MTRR: variants seen among roughly 807,000 people sequenced by gnomAD.
MTRR encodes 5-methyltetrahydrofolate-homocysteine methyltransferase reductase.
Under a neutral mutation model 79.2 loss-of-function variants are expected in MTRR, and 63 were observed. The ratio of observed to expected loss-of-function variants is 0.80; its 90% CI spans 0.65 to 0.98. The LOEUF (loss-of-function observed/expected upper bound fraction) is 0.98, where lower values mean the gene tolerates loss of function less well. Ranked by LOEUF, MTRR falls within the 50% of genes least tolerant of loss-of-function variation. The probability of loss-of-function intolerance (pLI) is 0.00; values close to 1 mark genes in which losing one functional copy is unlikely to be tolerated. For synonymous variants in MTRR, 355 were observed against 313.3 expected (o/e 1.13, Z -1.41); for missense variants, 895 against 839.6 (o/e 1.07, Z -0.82).
At chr5:7,893,264 C>T (rs1210901964) in intron 11 of MTRR, 5 of 278,272 alleles carry the variant, frequency 1.8e-5, no homozygotes, top group African/African-American at 6.7e-5. Context: ...GAGACAGTCT[C>T]ATTTTATGTT....
rs1450089061 is a variant in MTRR, at chr5:7,892,885, A to C, written c.1529A>C (p.Glu510Ala). Reference protein sequence around the residue: ...VLQPNIHASHEDSGKALAPKI... With the variant: ...VLQPNIHASHADSGKALAPKI... ...CAGCCAAACATACATGCATCCCATG[A>C]AGACAGCGGGAAAGCCCTGGCTCCT... The change falls in exon 11 of 15, where the codon GAA becomes GCA. Residue 510 changes from glutamate (E) to alanine (A), a missense_variant. Transcript: ENST00000440940. 2.5e-6 allele frequency: 4 copies of C among 1,614,120 alleles called. No homozygotes were observed. The highest frequency in any genetic ancestry group is 3.4e-6 in the Non-Finnish European group (4 of 1,180,048).
At chr5:7,865,836 AG>A (rs1746905438), upstream of MTRR, 1 of 1,262,392 alleles carries the variant, frequency 7.9e-7, no homozygotes, top group Non-Finnish European at 1.2e-6. Context: ...TCAGAAGTAA[AG>A]GAACTTAAAA....
chr5:7,875,397 T>A lies in MTRR; in HGVS notation c.401+22T>A, dbSNP rs200975562. 9 of 1,538,396 alleles carry A rather than the reference T, an allele frequency of 5.9e-6. No individual in the cohort carries two copies. The African/African-American group carries it at 8.2e-5, about 14-fold the overall frequency. The stretch of plus-strand genomic sequence containing the variant: ...TAGGGTAAGGGCAGTGTTCTCTGTT[T>A]ACTCCAATAAGCCCTCTATACATGA... On this transcript the variant is annotated intron_variant, in intron 4 of 14. Coordinates refer to ENST00000440940, the MANE Select transcript of MTRR (RefSeq NM_002454.3).
At position 7,875,239 on chromosome 5, in the gene MTRR, A is replaced by T. The variant is rs1354906729; in HGVS notation, c.284-19A>T. Reference sequence around the variant, plus strand: ...ATTTAAACTTTATTGTGCATTAATTATGTATTTGGGTTCTCTAGGTCTCGG... The same window carrying T: ...ATTTAAACTTTATTGTGCATTAATTTTGTATTTGGGTTCTCTAGGTCTCGG... On this transcript the variant is annotated intron_variant, in intron 3 of 14. Transcript: ENST00000440940. 6.7e-7 allele frequency: 1 copy of T among 1,485,882 alleles called. No individual in the cohort carries two copies. Among genetic ancestry groups the T allele is most frequent in the African/African-American group, 1.4e-5 (1 of 72,042 alleles). The allele number at this position is 1,485,882 out of a possible 1,614,324, so 92.0% of individuals were successfully genotyped here.
At chr5:7,866,662 G>A, upstream of MTRR, 1 of 1,590,914 alleles carries the variant, frequency 6.3e-7, no homozygotes, top group Non-Finnish European at 8.5e-7. Context: ...GCCGTTGAAG[G>A]AAAAGAGGCT....
intron 1 of MTRR, among the ~76,000 whole-genome samples, chr5:7,854,538 A>T (rs758180991): frequency 6.6e-6 from 1 of 152,078 alleles, no homozygotes; most frequent in Non-Finnish European, 1.5e-5. Context: ...ATGGCAGGAG[A>T]TGAAAGGCAC....
intron 2 of MTRR, among the ~76,000 whole-genome samples, chr5:7,871,538 A>C (rs982499634): frequency 1.4e-4 from 21 of 152,346 alleles, no homozygotes; most frequent in African/African-American, 5.1e-4. Flanking sequence ...AGGCGATAAC[A>C]GTTGGCAGGG....
At chr5:7,857,087 G>A (rs915789381) in intron 1 of MTRR, among the ~76,000 whole-genome samples, 7 of 152,148 alleles carry the variant, frequency 4.6e-5, no homozygotes, top group African/African-American at 1.7e-4. Context: ...TAGGCCCAAA[G>A]ACTATCACTG....
intron 1 of MTRR, 119 bp from the exon 2 acceptor site, chr5:7,870,651 G>C (rs574424819): frequency 1.8e-6 from 2 of 1,086,438 alleles, no homozygotes; most frequent in Non-Finnish European, 2.7e-6. Flanking sequence ...TTTAGAAAAG[G>C]CCATTTCATA....
At chr5:7,872,316 G>T in intron 2 of MTRR, 2 of 409,664 alleles carry the variant, frequency 4.9e-6, no homozygotes, top group South Asian at 3.6e-5. Context: ...GTAAGACAAG[G>T]AAGTGTTCTA....
chr5:7,896,408 T>A, intron 12 of MTRR: 1 of 209,998 alleles, frequency 4.8e-6, no homozygotes, highest in Non-Finnish European at 9.6e-6. Flanking sequence ...CGGACAGTTA[T>A]TTTATTTCGT....
At chr5:7,869,427 C>A in intron 1 of MTRR, 1 of 581,334 alleles carries the variant, frequency 1.7e-6, no homozygotes, top group Non-Finnish European at 3.0e-6. Flanking sequence ...TGTCCTTGGG[C>A]TCGGCGTCGG....
upstream of MTRR, chr5:7,868,207 A>G: frequency 1.8e-6 from 1 of 561,124 alleles, no homozygotes; most frequent in Non-Finnish European, 2.9e-6. Context: ...CTGGAAAAAA[A>G]AAAAAAAAAA....
chr5:7,900,036 A>G lies in MTRR; in HGVS notation c.2075A>G (p.Tyr692Cys), dbSNP rs1739228257. ...TLATLKEEKR[Y>C]LQDIWS Reference sequence around the variant, plus strand: ...GCCACTTTAAAAGAAGAAAAACGCTACCTTCAGGATATTTGGTCATAAAAC... The same window carrying G: ...GCCACTTTAAAAGAAGAAAAACGCTGCCTTCAGGATATTTGGTCATAAAAC... Residue 692 changes from tyrosine (Y) to cysteine (C), a missense_variant, in exon 15 of 15, where the codon TAC becomes TGC. Coordinates refer to ENST00000440940, the MANE Select transcript of MTRR (RefSeq NM_002454.3). 2.5e-6 allele frequency: 4 copies of G among 1,613,734 alleles called. No individual in the cohort carries two copies. The highest frequency in any genetic ancestry group is 1.6e-4 in the Middle Eastern group (1 of 6,084).
At chr5:7,853,886 T>TGCTTCTTTCATGAGGTGAGTC (rs2126573502) in intron 1 of MTRR, among the ~76,000 whole-genome samples, 1 of 152,154 alleles carries the variant, frequency 6.6e-6, no homozygotes, top group African/African-American at 2.4e-5. Flanking sequence ...GGAGGTGAGA[T>TGCTTCTTTCATGAGGTGAGTC]GCTTCTTTCA....
At chr5:7,886,734 T>G in intron 8 of MTRR, 31 bp downstream of exon 8, 2 of 1,501,476 alleles carry the variant, frequency 1.3e-6, no homozygotes, top group Non-Finnish European at 1.9e-6. Context: ...CAGGTAACTA[T>G]TTTAAAATAT....
Position 7,900,159 on chromosome 5 carries a change from T to G in MTRR, c.*101T>G, listed in dbSNP as rs1739256805. On this transcript the variant is annotated 3_prime_UTR_variant, in exon 15 of 15. Coordinates refer to ENST00000440940, the MANE Select transcript of MTRR (RefSeq NM_002454.3). ...TTTAAATTTTCAAAAGAAAATTTTC[T>G]TTCAACATTTCTTGAAGGACATGGA... 1 of 1,374,882 alleles carries G rather than the reference T, an allele frequency of 7.3e-7. No homozygotes were observed. The highest frequency in any genetic ancestry group is 1.5e-5 in the African/African-American group (1 of 68,002). 85.2% of individuals were successfully genotyped at this position (1,374,882 alleles called of 1,614,324 possible).
chr5:7,861,340 A>G (rs1746515475), intron 1 of MTRR: 9 of 844,462 alleles, frequency 1.1e-5, no homozygotes, highest in Non-Finnish European at 1.6e-5. Context: ...TAGTTGCCAA[A>G]GTTTATTTGG....
At chr5:7,899,804 G>A (rs1413891080) in intron 14 of MTRR, 110 bp from the exon 15 acceptor site, 13 of 1,378,860 alleles carry the variant, frequency 9.4e-6, no homozygotes, top group East Asian at 4.6e-5. Context: ...CTGAGAAGAC[G>A]GAGGGAAGAA....
Sources: gnomAD v4.1 joint callset for allele counts (sites outside exome capture counted in the v4.1 genomes callset) on GRCh38, gnomAD v4.1.1 for gene constraint, MANE v1.5 for transcripts, NCBI Gene and HGNC (gene_info 2026-07-23, HGNC 2026-07-21) for gene names.